The following ABCC4 variants were observed in gnomAD, a reference collection of about 807,000 sequenced individuals.
ABCC4 encodes ATP binding cassette subfamily C member 4 (PEL blood group).
A neutral mutation model predicts 168.5 loss-of-function variants in ABCC4; 102 were observed. The observed-to-expected ratio is 0.61, with a 90% CI of 0.52 to 0.71. The LOEUF is 0.71. Ranked by LOEUF, ABCC4 falls within the 30% of genes least tolerant of loss-of-function variation. The pLI, the probability that ABCC4 is intolerant of heterozygous loss-of-function variation, is 0.00. For synonymous variants in ABCC4, 617 were observed against 590.7 expected (o/e 1.04, Z -0.65); for missense variants, 1,402 against 1,605.8 (o/e 0.87, Z 2.17).
rs11568701 is a variant in ABCC4 at position 95,206,626 on chromosome 13, G to A, written c.1067C>T (p.Thr356Met). 9.9e-6 allele frequency: 16 copies of A among 1,614,016 alleles called. No individual in the cohort carries two copies. Among genetic ancestry groups the A allele is most frequent in the African/African-American group, 6.7e-5 (5 of 74,912 alleles). Residue 356 changes from threonine (T) to methionine (M), a missense_variant, in exon 8 of 31, where the codon ACG becomes ATG. Thr to Met is a moderately conservative substitution (Grantham distance 81). Coordinates refer to ENST00000645237, the MANE Select transcript of ABCC4 (RefSeq NM_005845.5). The part of the protein sequence containing the change: ...ITASRVFVAV[T>M]LYGAVRLTVT... ...CGTCAGCCGCACAGCCCCATACAGC[G>A]TCACTGCCACGAACACGCGGCTGGC...
At chr13:95,120,779 C>T (rs1262537390) in intron 19 of ABCC4, among the ~76,000 whole-genome samples, 1 of 152,116 alleles carries the variant, frequency 6.6e-6, no homozygotes, top group South Asian at 2.1e-4. Context: ...CAGAGTCTAT[C>T]AAATGGTGTC....
chr13:95,262,038 A>C (rs1228567815), intron 1 of ABCC4, among the ~76,000 whole-genome samples: 1 of 152,128 alleles, frequency 6.6e-6, no homozygotes, highest in Non-Finnish European at 1.5e-5. Context: ...CAGGGGCTTG[A>C]GGTTACAGTG....
At chr13:95,270,213 TTAATA>T (rs749528733) in intron 1 of ABCC4, among the ~76,000 whole-genome samples, 1 of 152,106 alleles carries the variant, frequency 6.6e-6, no homozygotes, top group Non-Finnish European at 1.5e-5. Context: ...GGAAATTAAA[TTAATA>T]TATTTTGTTA....
At chr13:95,227,532 CAT>C (rs2138734478) in intron 4 of ABCC4, among the ~76,000 whole-genome samples, 1 of 152,298 alleles carries the variant, frequency 6.6e-6, no homozygotes, top group East Asian at 1.9e-4. Flanking sequence ...CAAAGTATCA[CAT>C]GTGTCCAGGG....
chr13:95,289,132 C>T (rs934006685), intron 1 of ABCC4, among the ~76,000 whole-genome samples: 25 of 152,148 alleles, frequency 1.6e-4, no homozygotes, highest in African/African-American at 4.1e-4. Context: ...GGGATTACTT[C>T]AATAGCAGAA....
At chr13:95,255,515 C>T (rs2040371329) in intron 1 of ABCC4, among the ~76,000 whole-genome samples, 2 of 152,192 alleles carry the variant, frequency 1.3e-5, no homozygotes, top group Admixed American at 6.5e-5. Flanking sequence ...ACCCACACCA[C>T]AGGTGTTCTC....
intron 20 of ABCC4, among the ~76,000 whole-genome samples, chr13:95,091,176 A>G (rs2139350632): frequency 6.6e-6 from 1 of 152,326 alleles, no homozygotes; most frequent in Admixed American, 6.5e-5. Context: ...AAGAATAATC[A>G]GTGTTCCTGA....
chr13:95,050,000 G>A (rs996381244), intron 27 of ABCC4, among the ~76,000 whole-genome samples: 16 of 152,126 alleles, frequency 1.1e-4, no homozygotes, highest in African/African-American at 3.9e-4. Flanking sequence ...ATGACACCAG[G>A]TTTCCTACTA....
intron 1 of ABCC4, among the ~76,000 whole-genome samples, chr13:95,291,364 A>C (rs927950375): frequency 1.3e-5 from 2 of 152,098 alleles, no homozygotes; most frequent in African/African-American, 4.8e-5. Context: ...TCAAAAAAAA[A>C]AAAAAGACAG....
At chr13:95,052,797 G>T (rs2032896773) in intron 27 of ABCC4, among the ~76,000 whole-genome samples, 1 of 152,150 alleles carries the variant, frequency 6.6e-6, no homozygotes, top group Admixed American at 6.5e-5. Context: ...TCACTAATAG[G>T]ATCTCAACTC....
intron 4 of ABCC4, among the ~76,000 whole-genome samples, chr13:95,231,171 G>C (rs1308584534): frequency 6.6e-6 from 1 of 152,120 alleles, no homozygotes; most frequent in Non-Finnish European, 1.5e-5. Context: ...TTTCCACCTG[G>C]GAAGATGAAC....
At chr13:95,102,582 C>T (rs1398758532) in intron 20 of ABCC4, among the ~76,000 whole-genome samples, 1 of 152,032 alleles carries the variant, frequency 6.6e-6, no homozygotes, top group Non-Finnish European at 1.5e-5. Flanking sequence ...CCACACCTGG[C>T]CCCTACATTA....
At chr13:95,056,689 A>G (rs1304453733) in intron 26 of ABCC4, among the ~76,000 whole-genome samples, 1 of 151,902 alleles carries the variant, frequency 6.6e-6, no homozygotes, top group Non-Finnish European at 1.5e-5. Flanking sequence ...TAATAAAAAA[A>G]GAAGTCTTAA....
chr13:95,215,158 T>C (rs1399131409), intron 4 of ABCC4, among the ~76,000 whole-genome samples: 2 of 152,214 alleles, frequency 1.3e-5, no homozygotes, highest in Non-Finnish European at 2.9e-5. Flanking sequence ...TGATAGCTCA[T>C]GCCTGTTATC....
At chr13:95,108,316 CTAT>C (rs1010981087) in intron 20 of ABCC4, among the ~76,000 whole-genome samples, 3 of 152,152 alleles carry the variant, frequency 2.0e-5, no homozygotes, top group Admixed American at 6.5e-5. Flanking sequence ...GACAAATAAT[CTAT>C]TATTAGAGAC....
intron 3 of ABCC4, among the ~76,000 whole-genome samples, chr13:95,235,607 T>C (rs1317692143): frequency 6.6e-6 from 1 of 152,188 alleles, no homozygotes; most frequent in Non-Finnish European, 1.5e-5. Flanking sequence ...TGAATGGAGA[T>C]ATTGGCACAA....
intron 3 of ABCC4, 69 bp from the exon 4 acceptor site, chr13:95,234,903 C>CT (rs2039723312): frequency 3.5e-6 from 4 of 1,129,170 alleles, no homozygotes; most frequent in Non-Finnish European, 5.0e-6. Flanking sequence ...TTTACTTTCT[C>CT]TTTTTTCAGA....
chr13:95,071,968 A>G, intron 24 of ABCC4, 115 bp from the exon 25 acceptor site: 1 of 801,910 alleles, frequency 1.2e-6, no homozygotes, highest in Non-Finnish European at 1.8e-6. Context: ...GGAGAGAAGC[A>G]GGAGACAGAC....
intron 19 of ABCC4, among the ~76,000 whole-genome samples, chr13:95,117,427 G>A (rs2035417728): frequency 1.3e-5 from 2 of 152,158 alleles, no homozygotes; most frequent in South Asian, 4.1e-4. Flanking sequence ...CCCTGGGGAG[G>A]AGCTGGAGCC....
Sources: allele counts gnomAD v4.1 joint callset (sites outside exome capture counted in the v4.1 genomes callset), GRCh38; gene constraint gnomAD v4.1.1; transcripts MANE v1.5; gene names NCBI Gene and HGNC (gene_info 2026-07-23, HGNC 2026-07-21).